Variants in SHANK2 observed in about 807,000 individuals in gnomAD.
SHANK2 encodes the protein SH3 and multiple ankyrin repeat domains 2.
In SHANK2, 43 loss-of-function variants were observed where a neutral mutation model predicts 133.7. The ratio of observed to expected loss-of-function variants is 0.32; its 90% CI spans 0.25 to 0.41. The LOEUF (loss-of-function observed/expected upper bound fraction) is 0.41. Ranked by LOEUF, SHANK2 falls within the 10% of genes least tolerant of loss-of-function variation. SHANK2 has a pLI of 1.00. For synonymous variants in SHANK2, 1,017 were observed against 952.8 expected (o/e 1.07, Z -1.24); for missense variants, 1,994 against 2,235.8 (o/e 0.89, Z 2.18).
rs782769019 is a variant in SHANK2, at chr11:70,490,384, C to T, written c.2443G>A (p.Val815Met). The change falls in exon 23 of 26, where the codon GTG (valine) becomes ATG (methionine). Residue 815 changes from valine (V) to methionine (M), a missense_variant. This residue lies in a region of SHANK2 where 488 missense variants were observed against 642.6 expected (regional missense o/e 0.76). Transcript: ENST00000601538. Reference sequence around the variant, plus strand: ...ACGGCGATTCCTTGGCGTTCGTACACAGACTGCAAACCAGAGAGCCTAGGG... The same window carrying T: ...ACGGCGATTCCTTGGCGTTCGTACATAGACTGCAAACCAGAGAGCCTAGGG... ...CFPAGSDMNS[V>M]YERQGIAVMT... 1.1e-5 allele frequency: 18 copies of T among 1,613,940 alleles called. No individual in the cohort carries two copies. The African/African-American group carries it at 1.7e-4, about 16-fold the overall frequency.
At chr11:71,065,902 A>G (rs1951049511) in intron 9 of SHANK2, among the ~76,000 whole-genome samples, 3 of 83,052 alleles carry the variant, frequency 3.6e-5, no homozygotes, top group Non-Finnish European at 4.7e-5. Flanking sequence ...GAACTCTCCC[A>G]GGGAGATGAG....
At chr11:70,602,918 G>A (rs1425104467) in intron 17 of SHANK2, among the ~76,000 whole-genome samples, 2 of 152,230 alleles carry the variant, frequency 1.3e-5, no homozygotes, top group African/African-American at 4.8e-5. Flanking sequence ...GTCCTACACA[G>A]GTGGGAAAAT....
At chr11:70,718,213 C>G (rs921733985) in intron 14 of SHANK2, among the ~76,000 whole-genome samples, 8 of 152,224 alleles carry the variant, frequency 5.3e-5, no homozygotes, top group Non-Finnish European at 7.3e-5. Context: ...GAGGCGGCAG[C>G]TGTCCTCGTC....
intron 17 of SHANK2, among the ~76,000 whole-genome samples, chr11:70,617,580 G>A (rs150404244): frequency 2.6e-5 from 4 of 152,242 alleles, no homozygotes; most frequent in Non-Finnish European, 5.9e-5. Context: ...GGAAGCATAG[G>A]AACCCTCAGA....
At position 71,131,272 on chromosome 11, in the gene SHANK2, A is replaced by G. The variant is rs1481491414; in HGVS notation, c.208-12240T>C. ...TGGTGGCAAACACTAAAACCCCGGC[A>G]CGGGTAACACACGAAGCTGAAATCA... is the stretch of plus-strand genomic sequence containing the variant. On this transcript the variant is annotated intron_variant, in intron 3 of 25. Transcript: ENST00000601538. 5.9e-5 allele frequency among the ~76,000 whole-genome samples: 9 copies of G among 152,218 alleles called. 2 individuals are homozygous for G. In the South Asian group the frequency reaches 1.9e-3, roughly 32 times the overall value.
intron 15 of SHANK2, among the ~76,000 whole-genome samples, chr11:70,697,857 C>T (rs1267907140): frequency 6.6e-6 from 1 of 152,152 alleles, no homozygotes; most frequent in Non-Finnish European, 1.5e-5. Context: ...GGCACAGGAC[C>T]CTCACATCCC....
Position 71,169,946 on chromosome 11 carries a change from G to A in SHANK2, c.-12-22608C>T, listed in dbSNP as rs184888562. Among the ~76,000 whole-genome samples, 475 of 152,132 alleles carry A rather than the reference G, an allele frequency of 3.1e-3. 5 individuals are homozygous for A. The highest frequency in any genetic ancestry group is 0.011 in the African/African-American group (469 of 41,486). Reference sequence around the variant, plus strand: ...AAAATTTTGAGGCCAGGAGTTCAAGGCTGCAGTGCTCTGTGACCCCACCTG... The same window carrying A: ...AAAATTTTGAGGCCAGGAGTTCAAGACTGCAGTGCTCTGTGACCCCACCTG... On this transcript the variant is annotated intron_variant, in intron 2 of 25. Coordinates refer to ENST00000601538, the MANE Select transcript of SHANK2 (RefSeq NM_012309.5).
At chr11:70,841,211 C>T (rs782371790) in intron 11 of SHANK2, among the ~76,000 whole-genome samples, 2 of 152,168 alleles carry the variant, frequency 1.3e-5, no homozygotes, top group Non-Finnish European at 2.9e-5. Flanking sequence ...GCAGAGGTTA[C>T]AGTGAGCTGA....
At chr11:71,247,084 G>A (rs1228885603) in intron 1 of SHANK2, among the ~76,000 whole-genome samples, 3 of 152,160 alleles carry the variant, frequency 2.0e-5, no homozygotes, top group Non-Finnish European at 4.4e-5. Context: ...AGACCCATGA[G>A]CATAAAAGTC....
At chr11:70,848,962 G>T (rs962398495) in intron 11 of SHANK2, among the ~76,000 whole-genome samples, 5 of 152,182 alleles carry the variant, frequency 3.3e-5, no homozygotes, top group Admixed American at 6.5e-5. Flanking sequence ...GGTGAAGGGG[G>T]ACCTTGCTCT....
intron 12 of SHANK2, 144 bp downstream of exon 12, chr11:70,820,219 CA>C: frequency 3.6e-6 from 2 of 562,082 alleles, no homozygotes; most frequent in South Asian, 5.1e-5. Context: ...GGACAGTGAG[CA>C]AAACTCAGGC....
intron 3 of SHANK2, among the ~76,000 whole-genome samples, chr11:71,145,595 G>A (rs1555106555): frequency 6.6e-6 from 1 of 152,210 alleles, no homozygotes; most frequent in Non-Finnish European, 1.5e-5. Flanking sequence ...GGGAAGAGGA[G>A]ACACACATTT....
At chr11:70,501,784 C>T (rs1172750185) in intron 20 of SHANK2, 139 bp downstream of exon 20, 14 of 846,116 alleles carry the variant, frequency 1.7e-5, no homozygotes, top group East Asian at 5.3e-5. Context: ...CACAGATCCC[C>T]GGAGGATGGA....
intron 10 of SHANK2, among the ~76,000 whole-genome samples, chr11:70,950,576 C>G (rs1031161601): frequency 6.6e-6 from 1 of 152,084 alleles, no homozygotes. Flanking sequence ...GGTCCCACCT[C>G]TTCGTGCTGC....
chr11:70,730,500 C>T (rs1043363130), intron 14 of SHANK2, among the ~76,000 whole-genome samples: 3 of 152,174 alleles, frequency 2.0e-5, no homozygotes, highest in African/African-American at 4.8e-5. Flanking sequence ...AACCCCAATG[C>T]CCACCCCTGT....
intron 10 of SHANK2, among the ~76,000 whole-genome samples, chr11:70,902,004 G>C (rs1253790019): frequency 6.6e-6 from 1 of 152,218 alleles, no homozygotes; most frequent in Non-Finnish European, 1.5e-5. Context: ...TCTGGGGACA[G>C]ACCATACGAG....
At chr11:70,551,311 G>GCCCCTC (rs1400752426) in intron 17 of SHANK2, among the ~76,000 whole-genome samples, 2 of 151,790 alleles carry the variant, frequency 1.3e-5, no homozygotes, top group East Asian at 3.9e-4. Flanking sequence ...CCTGCCCGCT[G>GCCCCTC]CCCCTCCCCC....
intron 9 of SHANK2, among the ~76,000 whole-genome samples, chr11:71,060,862 A>C (rs1336244032): frequency 3.3e-5 from 5 of 152,202 alleles, no homozygotes; most frequent in African/African-American, 1.2e-4. Context: ...ACAGGGTTTC[A>C]GGGTGGGAAA....
chr11:71,248,102 G>A (rs1372060096), intron 1 of SHANK2, among the ~76,000 whole-genome samples: 1 of 152,232 alleles, frequency 6.6e-6, no homozygotes, highest in Non-Finnish European at 1.5e-5. Context: ...GCAGGCTCTG[G>A]GTAGTGGGCA....
Sources: gnomAD v4.1 joint callset for allele counts (sites outside exome capture counted in the v4.1 genomes callset) on GRCh38, gnomAD v4.1.1 for gene constraint, gnomAD v4.1.1 regional missense constraint, MANE v1.5 for transcripts, NCBI Gene and HGNC (gene_info 2026-07-23, HGNC 2026-07-21) for gene names.